The following SCN1A variants were observed in gnomAD, a reference collection of about 807,000 sequenced individuals.
The protein encoded by SCN1A is sodium voltage-gated channel alpha subunit 1, also known as sodium channel protein type 1 subunit alpha.
Under a neutral mutation model 193.7 loss-of-function variants are expected in SCN1A, and 13 were observed. That is an observed-to-expected ratio of 0.07 (90% confidence interval 0.04 to 0.11). SCN1A has a LOEUF of 0.11. Among genes scored for constraint, SCN1A ranks in the 10% least tolerant of loss-of-function variants. SCN1A has a pLI of 1.00. For synonymous variants in SCN1A, 781 were observed against 843.6 expected (o/e 0.93, Z 1.29); for missense variants, 1,432 against 2,451.1 (o/e 0.58, Z 8.78).
chr2:166,123,093 A>C (rs1690786635), intron 2 of SCN1A, among the ~76,000 whole-genome samples: 1 of 152,114 alleles, frequency 6.6e-6, no homozygotes, highest in African/African-American at 2.4e-5. Flanking sequence ...AAAAAAATAT[A>C]AAAAGATAAA....
chr2:166,147,771 AATT>A (rs1558920673), intron 1 of SCN1A, among the ~76,000 whole-genome samples: 1 of 152,322 alleles, frequency 6.6e-6, no homozygotes, highest in East Asian at 1.9e-4. Flanking sequence ...TACAGCATAC[AATT>A]GTAAGTGGTA....
At chr2:166,076,488 A>G (rs907599151) in intron 3 of SCN1A, among the ~76,000 whole-genome samples, 11 of 151,636 alleles carry the variant, frequency 7.3e-5, no homozygotes, top group African/African-American at 2.7e-4. Flanking sequence ...TAAAGGTTTA[A>G]TTTAATTTCT....
At position 166,105,824 on chromosome 2, in the gene SCN1A, T is replaced by C. The variant is rs1688626949; in HGVS notation, c.-142+21100A>G. On this transcript the variant is annotated intron_variant, in intron 2 of 28. Transcript: ENST00000674923. Reference sequence around the variant, plus strand: ...TCTTTACCCCTATAAACTGAAGCATTTGAAAATCAGTAATATTAACTGAGC... The same window carrying C: ...TCTTTACCCCTATAAACTGAAGCATCTGAAAATCAGTAATATTAACTGAGC... Among the ~76,000 whole-genome samples the C allele has an allele frequency of 2.6e-5, 4 of 152,172 alleles. No homozygotes were observed. The South Asian group carries it at 8.3e-4, about 31-fold the overall frequency.
rs763755211 is a variant in SCN1A, at chr2:166,012,105, C to T, written c.3879+4G>A. On this transcript the variant is annotated splice_donor_region_variant and intron_variant, in intron 22 of 28. Coordinates refer to ENST00000674923, the MANE Select transcript of SCN1A (RefSeq NM_001165963.4). ...ACAGAGACAAAAATATGAACGATAC[C>T]TACATCAACAATTAAGAAGTCCAGC... The T allele has an allele frequency of 6.2e-7, 1 of 1,608,928 alleles. No homozygotes were observed. The highest frequency in any genetic ancestry group is 1.1e-5 in the South Asian group (1 of 90,992).
At chr2:166,046,184 A>C (rs576858989) in intron 12 of SCN1A, among the ~76,000 whole-genome samples, 1 of 152,274 alleles carries the variant, frequency 6.6e-6, no homozygotes, top group South Asian at 2.1e-4. Context: ...GCATTTTATG[A>C]TTTATCACAC....
At position 166,050,613 on chromosome 2, in the gene SCN1A, G is replaced by GTATATA. The variant is rs368513344; in HGVS notation, c.964+1100_964+1105dup. Reference sequence around the variant, plus strand: ...CACCACACCCAACTCATTAAAAAAAGTATATATATATATATATATATATAT... The same window carrying GTATATA: ...CACCACACCCAACTCATTAAAAAAAGTATATATATATATATATATATATATATATAT... On this transcript the variant is annotated intron_variant, in intron 9 of 28. Coordinates refer to ENST00000674923, the MANE Select transcript of SCN1A (RefSeq NM_001165963.4). 3.0e-3 allele frequency among the ~76,000 whole-genome samples: 195 copies of GTATATA among 65,380 alleles called. 12 individuals carry two copies. Among genetic ancestry groups the GTATATA allele is most frequent in the South Asian group, 0.013 (26 of 2,070 alleles). 42.9% of individuals were successfully genotyped at this position (65,380 alleles called of 152,430 possible).
rs968754992 is a variant in SCN1A, at chr2:166,073,507, G to T, written c.115C>A (p.Pro39Thr). 3.1e-6 allele frequency: 5 copies of T among 1,613,950 alleles called. No individual in the cohort carries two copies. In the African/African-American group the frequency reaches 5.3e-5, roughly 17 times the overall value. Residue 39 changes from proline (P) to threonine (T), a missense_variant, in exon 4 of 29, where the codon CCA (proline) becomes ACA (threonine). Around this residue, in one of 18 missense-constraint regions of SCN1A, gnomAD observed 55 missense variants for 58.4 expected, o/e 0.94. Coordinates refer to ENST00000674923, the MANE Select transcript of SCN1A (RefSeq NM_001165963.4). ...IAEEKAKNPKPDKKDDDENGP... is the reference protein window; with the variant it reads ...IAEEKAKNPKTDKKDDDENGP... ...TTTTCGTCGTCATCTTTTTTGTCTGGTTTGGGATTCTTTGCCTTTTCTTCT... is the reference window on the plus strand; with the variant it reads ...TTTTCGTCGTCATCTTTTTTGTCTGTTTTGGGATTCTTTGCCTTTTCTTCT...
At chr2:166,107,890 G>A (rs1005014955) in intron 2 of SCN1A, among the ~76,000 whole-genome samples, 1 of 151,968 alleles carries the variant, frequency 6.6e-6, no homozygotes, top group African/African-American at 2.4e-5. Flanking sequence ...CATACATAAG[G>A]TAATAATTTC....
At chr2:166,117,175 GTC>G in intron 2 of SCN1A, among the ~76,000 whole-genome samples, 1 of 152,146 alleles carries the variant, frequency 6.6e-6, no homozygotes, top group Non-Finnish European at 1.5e-5. Flanking sequence ...ATCACAATTT[GTC>G]TCTCAGTCAT....
chr2:166,062,452 G>A (rs954351816), intron 4 of SCN1A, among the ~76,000 whole-genome samples: 6 of 152,000 alleles, frequency 3.9e-5, no homozygotes, highest in Non-Finnish European at 8.8e-5. Context: ...CCAAGAAGCC[G>A]ATCATTCAGT....
chr2:166,082,533 G>A (rs1484834138), intron 2 of SCN1A, among the ~76,000 whole-genome samples: 1 of 151,806 alleles, frequency 6.6e-6, no homozygotes, highest in African/African-American at 2.4e-5. Context: ...TGGCAAAAAT[G>A]GAGACTTCAA....
intron 2 of SCN1A, among the ~76,000 whole-genome samples, chr2:166,094,742 C>G (rs2106103750): frequency 6.6e-6 from 1 of 151,630 alleles, no homozygotes; most frequent in Non-Finnish European, 1.5e-5. Context: ...ACCAAACAAC[C>G]AAACACCAAA....
At chr2:166,115,108 G>A (rs1464041044) in intron 2 of SCN1A, among the ~76,000 whole-genome samples, 1 of 152,116 alleles carries the variant, frequency 6.6e-6, no homozygotes, top group South Asian at 2.1e-4. Context: ...GCTCACGCCT[G>A]TAACTTTGGA....
chr2:166,010,868 T>A (rs555603905), intron 22 of SCN1A, among the ~76,000 whole-genome samples: 1 of 151,210 alleles, frequency 6.6e-6, no homozygotes, highest in Non-Finnish European at 1.5e-5. Context: ...TACAAAATTT[T>A]CTATAAAATT....
At chr2:166,056,979 T>G (rs1699198262) in intron 5 of SCN1A, among the ~76,000 whole-genome samples, 1 of 152,070 alleles carries the variant, frequency 6.6e-6, no homozygotes, top group Non-Finnish European at 1.5e-5. Flanking sequence ...GAAAACAATT[T>G]GTAGTCAAAG....
Position 166,012,133 on chromosome 2 carries a change from A to G in SCN1A, c.3855T>C (p.Cys1285=), listed in dbSNP as rs1423283784. The change falls in exon 22 of 29, where the codon TGT becomes TGC. Residue 1285 remains cysteine (C), a synonymous_variant. Transcript: ENST00000674923. ...CATCAACAATTAAGAAGTCCAGCCA[A>G]CACCAGGCATTGGTGAAATATGTTT... ...GYQTYFTNAW[C]WLDFLIVDVS... is the part of the protein sequence containing the mutation. The G allele has an allele frequency of 6.2e-7, 1 of 1,610,192 alleles. No homozygotes were observed. The highest frequency in any genetic ancestry group is 1.1e-5 in the South Asian group (1 of 91,016).
intron 1 of SCN1A, chr2:166,137,738 G>C (rs1186174171): frequency 6.6e-6 from 1 of 152,420 alleles, no homozygotes; most frequent in Admixed American, 6.6e-5. Context: ...ACTGGGAGTG[G>C]GGCACTGCTA....
intron 2 of SCN1A, among the ~76,000 whole-genome samples, chr2:166,098,523 A>G (rs1213284543): frequency 6.6e-6 from 1 of 152,178 alleles, no homozygotes; most frequent in Non-Finnish European, 1.5e-5. Context: ...GGCAGGAGAA[A>G]GAAATAAAAG....
rs1289808926 is a variant in SCN1A, at chr2:166,047,624, C to T, written c.1170+3G>A. 2 of 1,613,234 alleles carry T rather than the reference C, an allele frequency of 1.2e-6. No individual in the cohort carries two copies. Among genetic ancestry groups the T allele is most frequent in the African/African-American group, 1.3e-5 (1 of 74,842 alleles). ...ATGGAGAGTGTGGCTCTTTAGTTCT[C>T]ACCAGTTGATAAAGATTTTCCCAGA... is the stretch of plus-strand genomic sequence containing the variant. On this transcript the variant is annotated splice_donor_region_variant and intron_variant, in intron 11 of 28. Coordinates refer to ENST00000674923, the MANE Select transcript of SCN1A (RefSeq NM_001165963.4).
Sources: allele counts gnomAD v4.1 joint callset (sites outside exome capture counted in the v4.1 genomes callset), GRCh38; gene constraint gnomAD v4.1.1; regional missense constraint gnomAD v4.1.1; transcripts MANE v1.5; gene names NCBI Gene and HGNC (gene_info 2026-07-23, HGNC 2026-07-21).